Variants in WDR35 observed in about 807,000 individuals in gnomAD.
WDR35 encodes WD repeat-containing protein 35.
In WDR35, 118 loss-of-function variants were observed where a neutral mutation model predicts 158.3. The ratio of observed to expected loss-of-function variants is 0.75; its 90% CI spans 0.64 to 0.87. The LOEUF (loss-of-function observed/expected upper bound fraction) is 0.87, where lower values mean the gene tolerates loss of function less well. WDR35 is among the 40% of genes least tolerant of loss of function. WDR35 has a pLI of 0.00. For synonymous variants in WDR35, 448 were observed against 476.1 expected (o/e 0.94, Z 0.77); for missense variants, 1,263 against 1,405.8 (o/e 0.90, Z 1.62).
chr2:19,952,162 CT>C (rs1292627990), intron 12 of WDR35, among the ~76,000 whole-genome samples: 1 of 152,150 alleles, frequency 6.6e-6, no homozygotes, highest in Admixed American at 6.5e-5. Context: ...CCCTTACCCC[CT>C]ACTACCCTCC....
rs757463781 is a variant in WDR35 at position 19,980,688 on chromosome 2, T to C, written c.307+3A>G. The C allele has an allele frequency of 1.2e-6, 2 of 1,610,612 alleles. No homozygotes were observed. The highest frequency in any genetic ancestry group is 2.7e-5 in the African/African-American group (2 of 74,852). The stretch of plus-strand genomic sequence containing the variant: ...TTAAATAATCTCTCCTAGTAAAGTA[T>C]ACCTTTATATAACATCCACACAATG... On this transcript the variant is annotated splice_donor_region_variant and intron_variant, in intron 4 of 26. Coordinates refer to ENST00000281405, the MANE Select transcript of WDR35 (RefSeq NM_020779.4).
rs573164990 is a variant in WDR35, at chr2:19,910,920, C to T, written c.*2638G>A. 1.4e-4 allele frequency: 21 copies of T among 152,186 alleles called. No individual in the cohort carries two copies. The highest frequency in any genetic ancestry group is 5.1e-4 in the African/African-American group (21 of 41,522). The allele number at this position is 152,186 out of a possible 1,614,324, so 9.4% of individuals were successfully genotyped here. On this transcript the variant is annotated 3_prime_UTR_variant, in exon 27 of 27. Coordinates refer to ENST00000281405, the MANE Select transcript of WDR35 (RefSeq NM_020779.4). Reference sequence around the variant, plus strand: ...CTTTTACAAAAGTAAAAAAGATGTGCCTGTCTATATACATATGCGCGCACA... The same window carrying T: ...CTTTTACAAAAGTAAAAAAGATGTGTCTGTCTATATACATATGCGCGCACA...
At chr2:19,947,791 T>C (rs909753302) in intron 14 of WDR35, among the ~76,000 whole-genome samples, 1 of 152,174 alleles carries the variant, frequency 6.6e-6, no homozygotes, top group African/African-American at 2.4e-5. Context: ...TGTTAGAAAC[T>C]GTAAGTGTAC....
chr2:19,938,183 A>T (rs974355575), intron 18 of WDR35, 82 bp downstream of exon 18: 5 of 1,560,330 alleles, frequency 3.2e-6, no homozygotes, highest in African/African-American at 1.4e-5. Flanking sequence ...CATCAGGAGG[A>T]TAGTAGGGGA....
chr2:19,968,005 T>A (rs1481757785), intron 9 of WDR35, among the ~76,000 whole-genome samples: 1 of 152,202 alleles, frequency 6.6e-6, no homozygotes, highest in East Asian at 1.9e-4. Flanking sequence ...CTCTGGGGTG[T>A]GACAATTTCT....
intron 11 of WDR35, among the ~76,000 whole-genome samples, chr2:19,958,706 A>G (rs1311959257): frequency 1.3e-5 from 2 of 152,218 alleles, no homozygotes; most frequent in Admixed American, 1.3e-4. Flanking sequence ...GATCTTTAAG[A>G]AGTTCAAAGT....
rs370873468 is a variant in WDR35, at chr2:19,975,549, T to C, written c.551A>G (p.Asp184Gly). The change falls in exon 6 of 27, where the codon GAT becomes GGT. Residue 184 changes from aspartate (D) to glycine (G), a missense_variant. Coordinates refer to ENST00000281405, the MANE Select transcript of WDR35 (RefSeq NM_020779.4). The stretch of plus-strand genomic sequence containing the variant: ...ACTTACCATAAAATTTCCTTGATTA[T>C]CGTAAATGTGTATTTCCCCATTTGC... ...GMANGEIHIY[D>G]NQGNFMIKMK... 9.4e-5 allele frequency: 151 copies of C among 1,613,522 alleles called. No individual in the cohort carries two copies. The highest frequency in any genetic ancestry group is 1.2e-4 in the Non-Finnish European group (144 of 1,179,726).
At position 19,914,110 on chromosome 2, in the gene WDR35, G is replaced by C. The variant is rs766079990; in HGVS notation, c.3289C>G (p.Leu1097Val). ...SSEQKQQYED[L>V]ALEIFTKHTS... ...TGTTTGGTGAAGATTTCTAAAGCAA[G>C]GTCTTCATACTGCTGTTTCTGTTCT... Residue 1097 changes from leucine (L) to valine (V), a missense_variant, in exon 26 of 27, where the codon CTT (leucine) becomes GTT (valine). Physicochemically the swap from Leu to Val is conservative, Grantham distance 32 (BLOSUM62 1). Transcript: ENST00000281405. The C allele has an allele frequency of 6.2e-7, 1 of 1,613,996 alleles. No individual in the cohort carries two copies. Among genetic ancestry groups the C allele is most frequent in the African/African-American group, 1.3e-5 (1 of 74,922 alleles).
chr2:19,938,265 CA>C lies in WDR35; in HGVS notation c.2062del (p.Trp688GlyfsTer33). On this transcript the variant is annotated frameshift_variant and splice_region_variant, in exon 18 of 27. Transcript: ENST00000281405. LOFTEE classifies it high-confidence loss of function. ...GGGAGAGTTTGCTTTTTTTAAATACCAAAGTCGGGGGTGTGGATTGTCCTCT... is the reference window on the plus strand; with the variant it reads ...GGGAGAGTTTGCTTTTTTTAAATACCAAGTCGGGGGTGTGGATTGTCCTCT... ...FIEDNPHPRL[W>X]RLLAEAALQK... The C allele has an allele frequency of 1.2e-6, 2 of 1,613,664 alleles. No homozygotes were observed. The highest frequency in any genetic ancestry group is 1.7e-6 in the Non-Finnish European group (2 of 1,179,952).
At position 19,934,024 on chromosome 2, in the gene WDR35, A is replaced by AACCACC. The variant is rs57759587; in HGVS notation, c.2548-519_2548-514dup. 0.16 allele frequency among the ~76,000 whole-genome samples: 17,075 copies of AACCACC among 104,872 alleles called. 1,832 individuals carry two copies. The highest frequency in any genetic ancestry group is 0.17 in the African/African-American group (4,144 of 24,144). 68.8% of individuals were successfully genotyped at this position (104,872 alleles called of 152,430 possible). A position where few individuals can be genotyped will look rare whatever the true frequency, so the allele number is the denominator to read the frequency against. ...TTGGAAAGTGGTGGCAGCGAGGAAG[A>AACCACC]ACCACCACCACCACCACCACCACCA... is the stretch of plus-strand genomic sequence containing the variant. On this transcript the variant is annotated intron_variant, in intron 21 of 26. Coordinates refer to ENST00000281405, the MANE Select transcript of WDR35 (RefSeq NM_020779.4). This position sits in a 1 kb window ranked among gnomAD's most constrained non-coding sequence, Gnocchi z 4.6.
chr2:19,975,276 G>A (rs550382793), intron 6 of WDR35, among the ~76,000 whole-genome samples: 16 of 152,014 alleles, frequency 1.1e-4, no homozygotes, highest in African/African-American at 3.6e-4. Context: ...CTGACACCTC[G>A]TCCTTTCTAC....
intron 16 of WDR35, among the ~76,000 whole-genome samples, chr2:19,943,999 T>C (rs1196963810): frequency 1.3e-5 from 2 of 152,022 alleles, no homozygotes; most frequent in African/African-American, 2.4e-5. Context: ...AATAATAATA[T>C]AGAATATTAT....
chr2:19,984,365 G>A (rs368344236), intron 2 of WDR35, among the ~76,000 whole-genome samples: 112 of 152,216 alleles, frequency 7.4e-4, no homozygotes, highest in African/African-American at 2.5e-3. Context: ...TAAAGCCAGC[G>A]ATAATATCCC....
chr2:19,988,929 ATTC>A (rs1168900401), intron 2 of WDR35, among the ~76,000 whole-genome samples: 1 of 152,214 alleles, frequency 6.6e-6, no homozygotes, highest in African/African-American at 2.4e-5. Context: ...ACTTATTTTC[ATTC>A]TTCATTATTT....
intron 20 of WDR35, among the ~76,000 whole-genome samples, chr2:19,935,898 A>G (rs1223453108): frequency 1.3e-5 from 2 of 152,232 alleles, no homozygotes; most frequent in Admixed American, 6.5e-5. Context: ...TGAAAATAAT[A>G]TATAATAAAG....
intron 16 of WDR35, among the ~76,000 whole-genome samples, chr2:19,942,585 C>A (rs1572334531): frequency 4.2e-5 from 6 of 142,794 alleles, no homozygotes; most frequent in Admixed American, 6.9e-5. Flanking sequence ...TGCAACAAAA[C>A]AAGATAATCA....
At chr2:19,963,996 G>A (rs1343508247) in intron 10 of WDR35, among the ~76,000 whole-genome samples, 1 of 152,106 alleles carries the variant, frequency 6.6e-6, no homozygotes, top group African/African-American at 2.4e-5. Flanking sequence ...TGCCCACCTT[G>A]GCCTCCCAAA....
intron 19 of WDR35, 40 bp downstream of exon 19, chr2:19,937,703 T>C (rs776916871): frequency 5.0e-6 from 8 of 1,612,228 alleles, no homozygotes; most frequent in Non-Finnish European, 5.9e-6. Flanking sequence ...AATGATGAAC[T>C]GATAGAGTAC....
At chr2:19,962,743 G>C (rs1420388822) in intron 10 of WDR35, among the ~76,000 whole-genome samples, 1 of 150,602 alleles carries the variant, frequency 6.6e-6, no homozygotes, top group African/African-American at 2.4e-5. Context: ...AAAATAAAAA[G>C]AACTCATTGA....
Sources: allele counts gnomAD v4.1 joint callset (sites outside exome capture counted in the v4.1 genomes callset), GRCh38; gene constraint gnomAD v4.1.1; non-coding constraint Gnocchi (gnomAD v3.1); transcripts MANE v1.5; gene names NCBI Gene and HGNC (gene_info 2026-07-23, HGNC 2026-07-21).